COL4A4: variants seen among roughly 807,000 people sequenced by gnomAD.
The protein encoded by COL4A4 is collagen alpha-4(IV) chain.
COL4A4 carries 105 observed loss-of-function variants against 192.9 expected under a neutral mutation model. That is an observed-to-expected ratio of 0.54 (90% CI 0.46 to 0.64). The LOEUF (loss-of-function observed/expected upper bound fraction) is 0.64, where lower values mean the gene tolerates loss of function less well. Among genes scored for constraint, COL4A4 ranks in the 30% least tolerant of loss-of-function variants. The pLI is 0.00. For synonymous variants in COL4A4, 762 were observed against 769.9 expected, an observed-to-expected ratio of 0.99 and a Z score of 0.17; for missense variants, 1,967 against 2,169.3, an observed-to-expected ratio of 0.91 and a Z score of 1.85.
chr2:227,023,062 T>A (rs1279584237), intron 43 of COL4A4, among the ~76,000 whole-genome samples: 2 of 152,168 alleles, frequency 1.3e-5, no homozygotes, highest in Non-Finnish European at 2.9e-5. Flanking sequence ...CCAGAGTTCC[T>A]GAGTCAGAAG....
rs775355828 is a variant in COL4A4, at chr2:227,004,419, G to A, written c.*2906C>T. On this transcript the variant is annotated 3_prime_UTR_variant, in exon 48 of 48. Transcript: ENST00000396625. ...GGAAATACTCCTAGAGGGAACCCTC[G>A]AACAGTCCCCACTGGACCTTTCACC... 6.6e-5 allele frequency: 10 copies of A among 152,210 alleles called. No homozygotes were observed. The highest frequency in any genetic ancestry group is 2.6e-4 in the Admixed American group (4 of 15,278). The allele number at this position is 152,210 out of a possible 1,614,324, so 9.4% of individuals were successfully genotyped here.
intron 4 of COL4A4, among the ~76,000 whole-genome samples, chr2:227,133,576 G>T (rs1347386062): frequency 6.6e-6 from 1 of 151,970 alleles, no homozygotes; most frequent in African/African-American, 2.4e-5. Context: ...TACTCTCTAG[G>T]CCTCCCAAAC....
At chr2:227,055,331 A>G (rs1184598438) in intron 30 of COL4A4, among the ~76,000 whole-genome samples, 1 of 145,062 alleles carries the variant, frequency 6.9e-6, no homozygotes, top group Non-Finnish European at 1.5e-5. Flanking sequence ...TGGCTAAAAT[A>G]GCGAGATCCT....
intron 1 of COL4A4, among the ~76,000 whole-genome samples, chr2:227,161,528 C>T (rs1369776290): frequency 6.6e-6 from 1 of 152,114 alleles, no homozygotes; most frequent in Non-Finnish European, 1.5e-5. Flanking sequence ...TCAAGCCTTC[C>T]AGTTAATTAA....
the COL4A4 span, among the ~76,000 whole-genome samples, chr2:226,982,080 C>T: frequency 2.6e-5 from 4 of 152,220 alleles, no homozygotes; most frequent in Admixed American, 6.5e-5. Flanking sequence ...AACTTCCCCC[C>T]GCCCTCTTTT....
chr2:227,097,602 A>G (rs1349497576), intron 19 of COL4A4, among the ~76,000 whole-genome samples: 1 of 152,198 alleles, frequency 6.6e-6, no homozygotes, highest in Non-Finnish European at 1.5e-5. Context: ...ACACTATTCT[A>G]TTACAAACAA....
Position 227,055,963 on chromosome 2 carries a change from C to A in COL4A4, c.2698G>T (p.Gly900Cys). 6.2e-7 allele frequency: 1 copy of A among 1,613,956 alleles called. No individual in the cohort carries two copies. Among genetic ancestry groups the A allele is most frequent in the Non-Finnish European group, 8.5e-7 (1 of 1,179,962 alleles). ...TACCTACCCTTTGGACCTGGAGGAC[C>A]AGGTAGCCCATCATCTCCAAAGGGA... ...PGPFGDDGLPGPPGPKGPRGL... is the reference protein window; with the variant it reads ...PGPFGDDGLPCPPGPKGPRGL... Residue 900 changes from glycine (G) to cysteine (C), a missense_variant, in exon 30 of 48, where the codon GGT (glycine) becomes TGT (cysteine). By Grantham distance (159) the Gly-to-Cys change is radical (BLOSUM62 -3). Transcript: ENST00000396625.
intron 25 of COL4A4, among the ~76,000 whole-genome samples, chr2:227,067,357 C>A (rs1418607787): frequency 2.0e-5 from 3 of 152,186 alleles, no homozygotes; most frequent in Non-Finnish European, 4.4e-5. Context: ...CAGCTCTGCA[C>A]CAAGCAGACC....
At chr2:227,148,793 G>A (rs2063719527) in intron 1 of COL4A4, among the ~76,000 whole-genome samples, 2 of 151,282 alleles carry the variant, frequency 1.3e-5, no homozygotes, top group South Asian at 4.2e-4. Flanking sequence ...CTGTCTCTAT[G>A]AGAATTAGGT....
chr2:227,118,475 A>C, intron 7 of COL4A4, among the ~76,000 whole-genome samples, 170 bp downstream of exon 7: 1 of 152,142 alleles, frequency 6.6e-6, no homozygotes, highest in South Asian at 2.1e-4. Flanking sequence ...AAAGTCCTGC[A>C]TGTTCTAAGT....
chr2:227,045,973 G>GTATATA (rs1329986732), intron 35 of COL4A4, among the ~76,000 whole-genome samples: 3 of 41,636 alleles, frequency 7.2e-5, no homozygotes, highest in African/African-American at 3.3e-4. Context: ...ATATTTATAT[G>GTATATA]TGTATATGTA....
Position 227,050,033 on chromosome 2 carries a change from A to AT in COL4A4, c.3214+34dup, listed in dbSNP as rs747309772. ...ATGTTATAAACATTCGGGACTATGC[A>AT]TTTGACAGATGGCTTCTGTATCTCC... On this transcript the variant is annotated intron_variant, in intron 34 of 47. Transcript: ENST00000396625. 5 of 1,595,426 alleles carry AT rather than the reference A, an allele frequency of 3.1e-6. No homozygotes were observed. The South Asian group carries it at 5.5e-5, about 18-fold the overall frequency.
At chr2:227,070,035 C>T (rs1220665497) in intron 25 of COL4A4, among the ~76,000 whole-genome samples, 2 of 150,472 alleles carry the variant, frequency 1.3e-5, no homozygotes. Flanking sequence ...AAAAAACAAA[C>T]AACCCCATCA....
chr2:227,108,952 T>C, intron 10 of COL4A4, 84 bp from the exon 11 acceptor site: 1 of 1,311,974 alleles, frequency 7.6e-7, no homozygotes, highest in Non-Finnish European at 1.1e-6. Flanking sequence ...CAAAATAGGG[T>C]CCTATTTAGG....
At chr2:227,052,810 T>C (rs530467393) in intron 31 of COL4A4, among the ~76,000 whole-genome samples, 120 of 152,318 alleles carry the variant, frequency 7.9e-4, no homozygotes, top group African/African-American at 2.6e-3. Flanking sequence ...CTCTCTTACT[T>C]TCCTTATATT....
At chr2:227,042,017 G>A in intron 37 of COL4A4, 131 bp downstream of exon 37, 2 of 744,668 alleles carry the variant, frequency 2.7e-6, no homozygotes, top group Non-Finnish European at 4.9e-6. Context: ...GTAGGAAGAT[G>A]CTAATGGCAC....
At chr2:227,015,168 T>TG (rs1382750065) in intron 44 of COL4A4, among the ~76,000 whole-genome samples, 2 of 152,202 alleles carry the variant, frequency 1.3e-5, no homozygotes, top group African/African-American at 4.8e-5. Flanking sequence ...CCCATAGTGC[T>TG]GGGATTACAG....
rs1559476323 is a variant in COL4A4, at chr2:227,041,786, G to GAAA, written c.3505+361_3505+362insTTT. Among the ~76,000 whole-genome samples, 72 of 47,482 alleles carry GAAA rather than the reference G, an allele frequency of 1.5e-3. 5 individuals carry two copies. In the East Asian group the frequency reaches 0.015, roughly 10 times the overall value. The allele number at this position is 47,482 out of a possible 152,430, so 31.2% of individuals were successfully genotyped here. On this transcript the variant is annotated intron_variant, in intron 37 of 47. Transcript: ENST00000396625. ...AGGAAGGAAGGAAGGAAGGAAGGAA[G>GAAA]GGAAAGAAAGAAAGAAAGGAAGAAA...
chr2:227,052,936 C>G (rs1974446608), intron 31 of COL4A4, among the ~76,000 whole-genome samples: 1 of 152,162 alleles, frequency 6.6e-6, no homozygotes, highest in Non-Finnish European at 1.5e-5. Flanking sequence ...TAGCAATGTG[C>G]AGGCGTGGGC....
Sources: gnomAD v4.1 joint callset for allele counts (sites outside exome capture counted in the v4.1 genomes callset) on GRCh38, gnomAD v4.1.1 for gene constraint, MANE v1.5 for transcripts, NCBI Gene and HGNC (gene_info 2026-07-23, HGNC 2026-07-21) for gene names.